The following FARS2 variants were observed in gnomAD, a reference collection of about 807,000 sequenced individuals.
FARS2 encodes the protein phenylalanine--tRNA ligase, mitochondrial.
FARS2 carries 40 observed loss-of-function variants against 46.4 expected under a neutral mutation model. The observed-to-expected ratio is 0.86, with a 90% CI of 0.67 to 1.12. The LOEUF is 1.12. Among genes scored for constraint, FARS2 ranks in the 50% most tolerant of loss-of-function variants. The pLI is 0.00. For synonymous variants in FARS2, 234 were observed against 214.9 expected (o/e 1.09, Z -0.78); for missense variants, 513 against 567.9 (o/e 0.90, Z 0.98).
At chr6:5,748,247 G>C (rs1197340955) in intron 6 of FARS2, among the ~76,000 whole-genome samples, 1 of 152,062 alleles carries the variant, frequency 6.6e-6, no homozygotes, top group Admixed American at 6.5e-5. Context: ...CCCTTTCTTT[G>C]TGGTTGGCCA....
At chr6:5,715,625 T>C (rs1759448176) in intron 6 of FARS2, among the ~76,000 whole-genome samples, 1 of 152,214 alleles carries the variant, frequency 6.6e-6, no homozygotes, top group Admixed American at 6.5e-5. Context: ...GATGTCAAGG[T>C]TCATTCATAT....
chr6:5,289,829 C>T (rs1017460486), intron 1 of FARS2, among the ~76,000 whole-genome samples: 3 of 152,162 alleles, frequency 2.0e-5, no homozygotes, highest in African/African-American at 4.8e-5. Context: ...TCTTTTGTTA[C>T]TTGGGCATGG....
intron 6 of FARS2, among the ~76,000 whole-genome samples, chr6:5,616,951 G>A (rs1326356405): frequency 6.6e-6 from 1 of 151,524 alleles, no homozygotes; most frequent in Non-Finnish European, 1.5e-5. Flanking sequence ...TGGATGTGGG[G>A]GGTAGATGTC....
intron 6 of FARS2, among the ~76,000 whole-genome samples, chr6:5,701,973 A>G (rs555228000): frequency 6.6e-6 from 1 of 152,320 alleles, no homozygotes; most frequent in East Asian, 1.9e-4. Flanking sequence ...TCAGATACAA[A>G]ATACAGCAGC....
Position 5,368,893 on chromosome 6 carries a change from C to T in FARS2, c.323C>T (p.Pro108Leu), listed in dbSNP as rs374957295. ...CAGTATGTGGGCCGCTTTGGGACCC[C>T]GTTGTTCTCGGTCTACGACAACCTT... ...YKQYVGRFGTPLFSVYDNLSP... is the reference protein window; with the variant it reads ...YKQYVGRFGTLLFSVYDNLSP... The change falls in exon 2 of 7, where the codon CCG becomes CTG. Residue 108 changes from proline (P) to leucine (L), a missense_variant. Transcript: ENST00000274680. 688 of 1,613,986 alleles carry T rather than the reference C, an allele frequency of 4.3e-4. 1 individual carries two copies. The highest frequency in any genetic ancestry group is 5.7e-4 in the Non-Finnish European group (667 of 1,180,016).
intron 6 of FARS2, among the ~76,000 whole-genome samples, chr6:5,618,237 C>A (rs1775576255): frequency 1.3e-5 from 2 of 152,094 alleles, no homozygotes; most frequent in African/African-American, 4.8e-5. Context: ...CTCCCAAATT[C>A]CAAAACCCTC....
intron 6 of FARS2, among the ~76,000 whole-genome samples, chr6:5,674,248 A>G (rs1456586658): frequency 2.0e-5 from 3 of 151,126 alleles, no homozygotes; most frequent in Admixed American, 6.6e-5. Flanking sequence ...CAGATGTCAC[A>G]TATCAGAGAA....
intron 5 of FARS2, among the ~76,000 whole-genome samples, chr6:5,579,994 A>G (rs1773231232): frequency 6.6e-6 from 1 of 151,978 alleles, no homozygotes; most frequent in South Asian, 2.1e-4. Flanking sequence ...CATAGGGCCT[A>G]TAGAAAGAAA....
chr6:5,411,308 A>T (rs1447453801), intron 3 of FARS2, among the ~76,000 whole-genome samples: 1 of 152,052 alleles, frequency 6.6e-6, no homozygotes, highest in African/African-American at 2.4e-5. Flanking sequence ...AAACAAAACA[A>T]AAAATCGTCT....
intron 1 of FARS2, among the ~76,000 whole-genome samples, chr6:5,334,441 A>G (rs1174899245): frequency 6.6e-6 from 1 of 152,218 alleles, no homozygotes; most frequent in Non-Finnish European, 1.5e-5. Context: ...AGAGTTACTG[A>G]TTTTAGCAAA....
chr6:5,395,926 A>T (rs920624353), intron 2 of FARS2, among the ~76,000 whole-genome samples: 2 of 152,258 alleles, frequency 1.3e-5, no homozygotes, highest in African/African-American at 4.8e-5. Context: ...CCTAGTGGTG[A>T]TAAATGTTTT....
intron 6 of FARS2, among the ~76,000 whole-genome samples, chr6:5,742,738 G>A (rs1282802810): frequency 6.6e-6 from 1 of 152,010 alleles, no homozygotes; most frequent in Non-Finnish European, 1.5e-5. Context: ...TTGCAAACAA[G>A]GAAAAATCAT....
At chr6:5,601,243 C>T (rs918720234) in intron 5 of FARS2, among the ~76,000 whole-genome samples, 3 of 151,954 alleles carry the variant, frequency 2.0e-5, no homozygotes, top group Non-Finnish European at 4.4e-5. Flanking sequence ...GCCTTGGGGC[C>T]GGGCTCGGTG....
chr6:5,700,039 A>G, intron 6 of FARS2, among the ~76,000 whole-genome samples: 1 of 152,194 alleles, frequency 6.6e-6, no homozygotes, highest in East Asian at 1.9e-4. Context: ...CTATGCTTTT[A>G]TATAATGTGT....
chr6:5,358,422 T>C (rs989954514), intron 1 of FARS2, among the ~76,000 whole-genome samples: 2 of 152,134 alleles, frequency 1.3e-5, no homozygotes, highest in African/African-American at 4.8e-5. Context: ...GTTAATACCA[T>C]TTGTTAAAAA....
At chr6:5,613,358 T>A in intron 6 of FARS2, 38 bp downstream of exon 6, 6 of 1,580,138 alleles carry the variant, frequency 3.8e-6, no homozygotes, top group Non-Finnish European at 5.2e-6. Context: ...CTTGACTATC[T>A]CTGTGTGATA....
chr6:5,366,340 T>C (rs1329825619), intron 1 of FARS2, among the ~76,000 whole-genome samples: 2 of 152,186 alleles, frequency 1.3e-5, no homozygotes, highest in Non-Finnish European at 2.9e-5. Flanking sequence ...GGGTCTCTTA[T>C]GTATTTCCAG....
At chr6:5,260,595 C>T (rs1765003018), upstream of FARS2, 5 of 1,206,664 alleles carry the variant, frequency 4.1e-6, no homozygotes, top group African/African-American at 3.2e-5. Flanking sequence ...CCCGCACCCC[C>T]GGTCCCCGGC....
chr6:5,609,471 C>T, intron 5 of FARS2: 2 of 1,223,022 alleles, frequency 1.6e-6, no homozygotes, highest in Non-Finnish European at 2.4e-6. Context: ...GCCATCCGCC[C>T]TGCCACCATA....
Sources: allele counts gnomAD v4.1 joint callset (sites outside exome capture counted in the v4.1 genomes callset), GRCh38; gene constraint gnomAD v4.1.1; transcripts MANE v1.5; gene names NCBI Gene and HGNC (gene_info 2026-07-23, HGNC 2026-07-21).